The following KRTAP3-3 variants were observed in gnomAD, a reference collection of about 807,000 sequenced individuals.
The protein encoded by KRTAP3-3 is keratin associated protein 3-3, also known as keratin-associated protein 3-3.
In KRTAP3-3, 8 loss-of-function variants were observed where a neutral mutation model predicts 5.7. The observed-to-expected ratio is 1.40, with a 90% CI of 0.82 to 2.52. The LOEUF (loss-of-function observed/expected upper bound fraction) is 2.52, where lower values mean the gene tolerates loss of function less well. KRTAP3-3 is among the 30% of genes most tolerant of loss of function. The pLI, the probability that KRTAP3-3 is intolerant of heterozygous loss-of-function variation, is 0.00. For missense variants in KRTAP3-3, 98 were observed against 121.5 expected, an observed-to-expected ratio of 0.81 and a Z score of 0.91; for synonymous variants, 49 against 47.0, an observed-to-expected ratio of 1.04 and a Z score of -0.17.
At position 40,994,063 on chromosome 17, in the gene KRTAP3-3, G is replaced by T; in HGVS notation, c.35C>A (p.Pro12His). 1 of 1,614,184 alleles carries T rather than the reference G, an allele frequency of 6.2e-7. No individual in the cohort carries two copies. The highest frequency in any genetic ancestry group is 8.5e-7 in the Non-Finnish European group (1 of 1,180,038). Residue 12 changes from proline (P) to histidine (H), a missense_variant, in exon 1 of 1, where the codon CCC (proline) becomes CAC (histidine). Physicochemically the swap from Pro to His is moderately conservative, Grantham distance 77. Coordinates refer to ENST00000391586, the MANE Select transcript of KRTAP3-3 (RefSeq NM_033185.3). ...DCCASRGCSV[P>H]TGPATTICSS... Reference sequence around the variant, plus strand: ...GCAGATGGTGGTGGCAGGCCCGGTGGGGACACTGCAGCCTCGAGAGGCACA... The same window carrying T: ...GCAGATGGTGGTGGCAGGCCCGGTGTGGACACTGCAGCCTCGAGAGGCACA...
Position 40,993,980 on chromosome 17 carries a change from C to G in KRTAP3-3, c.118G>C (p.Val40Leu). Residue 40 changes from valine to leucine, a missense_variant, in exon 1 of 1, where the codon GTT (valine) becomes CTT (leucine). Coordinates refer to ENST00000391586, the MANE Select transcript of KRTAP3-3 (RefSeq NM_033185.3). ...CAGCAGGTGGGCTCCAGTAACCAAACTGTGTGTGGGCAGGTGCTGGGCAGG... is the reference window on the plus strand; with the variant it reads ...CAGCAGGTGGGCTCCAGTAACCAAAGTGTGTGTGGGCAGGTGCTGGGCAGG... Reference protein sequence around the residue: ...VCLPSTCPHTVWLLEPTCCDN... With the variant: ...VCLPSTCPHTLWLLEPTCCDN... The G allele has an allele frequency of 6.2e-7, 1 of 1,614,146 alleles. No homozygotes were observed. Among genetic ancestry groups the G allele is most frequent in the Non-Finnish European group, 8.5e-7 (1 of 1,180,016 alleles).
At position 40,993,561 on chromosome 17, in the gene KRTAP3-3, G is replaced by C; in HGVS notation, c.*240C>G. ...ACAGAAAGAGACACTTTAATATGAA[G>C]GAATCGAACAGCTTCAGGAAGCTAT... On this transcript the variant is annotated 3_prime_UTR_variant, in exon 1 of 1. Transcript: ENST00000391586. The C allele has an allele frequency of 1.8e-6, 1 of 546,988 alleles. No individual in the cohort carries two copies. Among genetic ancestry groups the C allele is most frequent in the East Asian group, 3.0e-5 (1 of 33,766 alleles). 33.9% of individuals were successfully genotyped at this position (546,988 alleles called of 1,614,324 possible). A position where few individuals can be genotyped will look rare whatever the true frequency, so the allele number is the denominator to read the frequency against.
rs141858315 is a variant in KRTAP3-3 at position 40,994,137 on chromosome 17, A to G, written c.-40T>C. The stretch of plus-strand genomic sequence containing the variant: ...GTGGTATTTATGGGTTTGATTGAAA[A>G]GAAGGATAAGGCTTCTGAGGTGTGA... On this transcript the variant is annotated 5_prime_UTR_variant, in exon 1 of 1. Transcript: ENST00000391586. 6.6e-4 allele frequency: 1,061 copies of G among 1,607,230 alleles called. 9 individuals carry two copies. The African/African-American group carries it at 0.013, about 19-fold the overall frequency.
At position 40,993,873 on chromosome 17, in the gene KRTAP3-3, T is replaced by C. The variant is rs577817414; in HGVS notation, c.225A>G (p.Pro75=). ...CFLLNSCQPT[P]GLETLNLTTF... is the part of the protein sequence containing the mutation. ...TGGTGAGGTTGAGGGTCTCCAGGCC[T>C]GGAGTTGGCTGGCAGGAGTTGAGCA... The change falls in exon 1 of 1, where the codon CCA becomes CCG. Residue 75 remains proline, a synonymous_variant. Transcript: ENST00000391586. The C allele has an allele frequency of 7.5e-5, 121 of 1,614,030 alleles. No homozygotes were observed. In the East Asian group the frequency reaches 1.5e-3, roughly 20 times the overall value.
At position 40,993,995 on chromosome 17, in the gene KRTAP3-3, T is replaced by C; in HGVS notation, c.103A>G (p.Thr35Ala). Reference protein sequence around the residue: ...SCRCGVCLPSTCPHTVWLLEP... With the variant: ...SCRCGVCLPSACPHTVWLLEP... ...AGTAACCAAACTGTGTGTGGGCAGG[T>C]GCTGGGCAGGCAGACTCCACAGCGG... Residue 35 changes from threonine to alanine, a missense_variant, in exon 1 of 1, where the codon ACC becomes GCC. Coordinates refer to ENST00000391586, the MANE Select transcript of KRTAP3-3 (RefSeq NM_033185.3). 6.2e-7 allele frequency: 1 copy of C among 1,614,134 alleles called. No individual in the cohort carries two copies. The highest frequency in any genetic ancestry group is 8.5e-7 in the Non-Finnish European group (1 of 1,180,028).
In KRTAP3-3 at chr17:40,993,729, C is replaced by G. The variant is rs769932778; in HGVS notation, c.*72G>C. Reference sequence around the variant, plus strand: ...AAGCAGAGTACATTAGTTGTAGGTACTGAGATAGGTGAATGCTAAAGCTTC... The same window carrying G: ...AAGCAGAGTACATTAGTTGTAGGTAGTGAGATAGGTGAATGCTAAAGCTTC... On this transcript the variant is annotated 3_prime_UTR_variant, in exon 1 of 1. Transcript: ENST00000391586. The G allele has an allele frequency of 8.9e-6, 14 of 1,567,186 alleles. No homozygotes were observed. Among genetic ancestry groups the G allele is most frequent in the Non-Finnish European group, 1.1e-5 (13 of 1,153,042 alleles).
chr17:40,993,961 G>A lies in KRTAP3-3; in HGVS notation c.137C>T (p.Thr46Ile), dbSNP rs202056314. 2.9e-4 allele frequency: 474 copies of A among 1,614,120 alleles called. 11 individuals are homozygous for A. The South Asian group carries it at 3.7e-3, about 12-fold the overall frequency. ...GGGTGGGGGACAGTTGTCACAGCAG[G>A]TGGGCTCCAGTAACCAAACTGTGTG... is the stretch of plus-strand genomic sequence containing the variant. ...CPHTVWLLEP[T>I]CCDNCPPPCH... The change falls in exon 1 of 1, where the codon ACC (threonine) becomes ATC (isoleucine). Residue 46 changes from threonine to isoleucine, a missense_variant. Thr to Ile is a moderately conservative substitution (Grantham distance 89). Transcript: ENST00000391586.
In KRTAP3-3 at chr17:40,993,928, A is replaced by T. The variant is rs1205156602; in HGVS notation, c.170T>A (p.Ile57Asn). Residue 57 changes from isoleucine (I) to asparagine (N), a missense_variant, in exon 1 of 1, where the codon ATT becomes AAT. Ile to Asn is a moderately radical substitution (Grantham distance 149). Transcript: ENST00000391586. Reference sequence around the variant, plus strand: ...GCAGGTGGGCACGCAGGGCTGAGGAATGTGGCAGGGTGGGGGACAGTTGTC... The same window carrying T: ...GCAGGTGGGCACGCAGGGCTGAGGATTGTGGCAGGGTGGGGGACAGTTGTC... Reference protein sequence around the residue: ...CCDNCPPPCHIPQPCVPTCFL... With the variant: ...CCDNCPPPCHNPQPCVPTCFL... The T allele has an allele frequency of 6.2e-7, 1 of 1,614,022 alleles. No homozygotes were observed. The highest frequency in any genetic ancestry group is 8.5e-7 in the Non-Finnish European group (1 of 1,179,970).
Position 40,993,535 on chromosome 17 carries a change from C to A in KRTAP3-3, c.*266G>T. 1 of 476,248 alleles carries A rather than the reference C, an allele frequency of 2.1e-6. No homozygotes were observed. Among genetic ancestry groups the A allele is most frequent in the Non-Finnish European group, 3.6e-6 (1 of 275,522 alleles). 29.5% of individuals were successfully genotyped at this position (476,248 alleles called of 1,614,324 possible). A position where few individuals can be genotyped will look rare whatever the true frequency, so the allele number is the denominator to read the frequency against. ...CTGAAAACAGAATTCCCAAACCACCCACAGAAAGAGACACTTTAATATGAA... is the reference window on the plus strand; with the variant it reads ...CTGAAAACAGAATTCCCAAACCACCAACAGAAAGAGACACTTTAATATGAA... On this transcript the variant is annotated 3_prime_UTR_variant, in exon 1 of 1. Coordinates refer to ENST00000391586, the MANE Select transcript of KRTAP3-3 (RefSeq NM_033185.3).
Position 40,994,130 on chromosome 17 carries a change from A to T in KRTAP3-3, c.-33T>A, listed in dbSNP as rs757166316. 4 of 1,610,000 alleles carry T rather than the reference A, an allele frequency of 2.5e-6. No homozygotes were observed. The Admixed American group carries it at 6.7e-5, about 27-fold the overall frequency. On this transcript the variant is annotated 5_prime_UTR_variant, in exon 1 of 1. Transcript: ENST00000391586. ...AGAGTCTGTGGTATTTATGGGTTTG[A>T]TTGAAAAGAAGGATAAGGCTTCTGA...
chr17:40,993,567 G>A lies in KRTAP3-3; in HGVS notation c.*234C>T, dbSNP rs1046296513. On this transcript the variant is annotated 3_prime_UTR_variant, in exon 1 of 1. Transcript: ENST00000391586. ...AGAGACACTTTAATATGAAGGAATC[G>A]AACAGCTTCAGGAAGCTATAGGCAT... is the stretch of plus-strand genomic sequence containing the variant. The A allele has an allele frequency of 3.9e-5, 22 of 562,780 alleles. No individual in the cohort carries two copies. The highest frequency in any genetic ancestry group is 2.8e-4 in the African/African-American group (15 of 53,582). 34.9% of individuals were successfully genotyped at this position (562,780 alleles called of 1,614,324 possible).
rs1175956228 is a variant in KRTAP3-3 at position 40,993,818 on chromosome 17, G to T, written c.280C>A (p.Leu94Ile). 1 of 1,614,110 alleles carries T rather than the reference G, an allele frequency of 6.2e-7. No individual in the cohort carries two copies. The highest frequency in any genetic ancestry group is 8.5e-7 in the Non-Finnish European group (1 of 1,179,942). Reference sequence around the variant, plus strand: ...GCCATCCATTAGCAGCCTCTTGGGAGGCAGGGCTCACAGCAGGGCTGAGTG... The same window carrying T: ...GCCATCCATTAGCAGCCTCTTGGGATGCAGGGCTCACAGCAGGGCTGAGTG... ...TFTQPCCEPC[L>I]PRGC Residue 94 changes from leucine to isoleucine, a missense_variant, in exon 1 of 1, where the codon CTC becomes ATC. Leu to Ile is a conservative substitution (Grantham distance 5). Coordinates refer to ENST00000391586, the MANE Select transcript of KRTAP3-3 (RefSeq NM_033185.3).
chr17:40,994,005 G>T lies in KRTAP3-3; in HGVS notation c.93C>A (p.Cys31Ter). The T allele has an allele frequency of 6.8e-6, 11 of 1,614,200 alleles. No individual in the cohort carries two copies. Among genetic ancestry groups the T allele is most frequent in the Non-Finnish European group, 8.5e-6 (10 of 1,180,036 alleles). The change falls in exon 1 of 1, where the codon TGC becomes TGA. Residue 31 changes from cysteine (C) to a stop codon, truncating the protein, a stop_gained. Transcript: ENST00000391586. LOFTEE classifies it high-confidence loss of function. ...CTGTGTGTGGGCAGGTGCTGGGCAG[G>T]CAGACTCCACAGCGGCAGGATTTGT... Reference protein sequence around the residue: ...SSDKSCRCGVCLPSTCPHTVW... With the variant: ...SSDKSCRCGV
rs1416270262 is a variant in KRTAP3-3, at chr17:40,993,754, C to T, written c.*47G>A. ...CTGAGATAGGTGAATGCTAAAGCTT[C>T]TATGTTGACTTTTTCAATCTCAGGC... On this transcript the variant is annotated 3_prime_UTR_variant, in exon 1 of 1. Coordinates refer to ENST00000391586, the MANE Select transcript of KRTAP3-3 (RefSeq NM_033185.3). The T allele has an allele frequency of 1.3e-6, 2 of 1,598,180 alleles. No homozygotes were observed. Among genetic ancestry groups the T allele is most frequent in the East Asian group, 2.2e-5 (1 of 44,630 alleles).
In KRTAP3-3 at chr17:40,993,870, G is replaced by T. The variant is rs9897208; in HGVS notation, c.228C>A (p.Gly76=). 1.2e-6 allele frequency: 2 copies of T among 1,613,888 alleles called. No homozygotes were observed. The highest frequency in any genetic ancestry group is 1.3e-5 in the African/African-American group (1 of 74,808). The part of the protein sequence containing the change: ...FLLNSCQPTP[G]LETLNLTTFT... ...AGGTGGTGAGGTTGAGGGTCTCCAG[G>T]CCTGGAGTTGGCTGGCAGGAGTTGA... The change falls in exon 1 of 1, where the codon GGC becomes GGA. Residue 76 remains glycine (G), a synonymous_variant. Transcript: ENST00000391586.
In KRTAP3-3 at chr17:40,993,792, A is replaced by T. The variant is rs1437074581; in HGVS notation, c.*9T>A. On this transcript the variant is annotated 3_prime_UTR_variant, in exon 1 of 1. Coordinates refer to ENST00000391586, the MANE Select transcript of KRTAP3-3 (RefSeq NM_033185.3). ...TTCAATCTCAGGCACTGAGCAAAGTAGCCATCCATTAGCAGCCTCTTGGGA... is the reference window on the plus strand; with the variant it reads ...TTCAATCTCAGGCACTGAGCAAAGTTGCCATCCATTAGCAGCCTCTTGGGA... 2.5e-6 allele frequency: 4 copies of T among 1,613,378 alleles called. No individual in the cohort carries two copies. The highest frequency in any genetic ancestry group is 2.5e-6 in the Non-Finnish European group (3 of 1,179,346).
Position 40,993,755 on chromosome 17 carries a change from T to C in KRTAP3-3, c.*46A>G, listed in dbSNP as rs773375405. ...TGAGATAGGTGAATGCTAAAGCTTC[T>C]ATGTTGACTTTTTCAATCTCAGGCA... On this transcript the variant is annotated 3_prime_UTR_variant, in exon 1 of 1. Coordinates refer to ENST00000391586, the MANE Select transcript of KRTAP3-3 (RefSeq NM_033185.3). 8.1e-6 allele frequency: 13 copies of C among 1,598,856 alleles called. No individual in the cohort carries two copies. The highest frequency in any genetic ancestry group is 1.1e-5 in the Non-Finnish European group (13 of 1,170,812).
At position 40,993,711 on chromosome 17, in the gene KRTAP3-3, G is replaced by A. The variant is rs1340841636; in HGVS notation, c.*90C>T. On this transcript the variant is annotated 3_prime_UTR_variant, in exon 1 of 1. Transcript: ENST00000391586. ...TCCTTGTTCCAATTTCTAAAGCAGA[G>A]TACATTAGTTGTAGGTACTGAGATA... is the stretch of plus-strand genomic sequence containing the variant. The A allele has an allele frequency of 2.0e-6, 3 of 1,528,484 alleles. No individual in the cohort carries two copies. The highest frequency in any genetic ancestry group is 2.7e-6 in the Non-Finnish European group (3 of 1,129,652). The allele number at this position is 1,528,484 out of a possible 1,614,324, so 94.7% of individuals were successfully genotyped here.
In KRTAP3-3 at chr17:40,993,702, T is replaced by G; in HGVS notation, c.*99A>C. The G allele has an allele frequency of 6.6e-7, 1 of 1,503,816 alleles. No homozygotes were observed. The highest frequency in any genetic ancestry group is 8.9e-7 in the Non-Finnish European group (1 of 1,118,778). The allele number at this position is 1,503,816 out of a possible 1,614,324, so 93.2% of individuals were successfully genotyped here. A position where few individuals can be genotyped will look rare whatever the true frequency, so the allele number is the denominator to read the frequency against. On this transcript the variant is annotated 3_prime_UTR_variant, in exon 1 of 1. Transcript: ENST00000391586. Reference sequence around the variant, plus strand: ...GTAGTACCATCCTTGTTCCAATTTCTAAAGCAGAGTACATTAGTTGTAGGT... The same window carrying G: ...GTAGTACCATCCTTGTTCCAATTTCGAAAGCAGAGTACATTAGTTGTAGGT...
Sources: allele counts gnomAD v4.1 joint callset, GRCh38; gene constraint gnomAD v4.1.1; transcripts MANE v1.5; gene names NCBI Gene and HGNC (gene_info 2026-07-23, HGNC 2026-07-21).